RSRP1: variants seen among roughly 807,000 people sequenced by gnomAD.
RSRP1 encodes the protein arginine and serine rich protein 1, also known as arginine/serine-rich protein 1.
In RSRP1, 37 loss-of-function variants were observed where a neutral mutation model predicts 33.0. The ratio of observed to expected loss-of-function variants is 1.12; its 90% CI spans 0.86 to 1.48. The LOEUF (loss-of-function observed/expected upper bound fraction) is 1.48. Among genes scored for constraint, RSRP1 ranks in the 40% most tolerant of loss-of-function variants. RSRP1 has a pLI of 0.00. For missense variants in RSRP1, 402 were observed against 385.3 expected (o/e 1.04, Z -0.36); for synonymous variants, 167 against 158.7 (o/e 1.05, Z -0.40).
chr1:25,245,676 T>C (rs1451494487), intron 2 of RSRP1, among the ~76,000 whole-genome samples: 1 of 152,222 alleles, frequency 6.6e-6, no homozygotes, highest in Non-Finnish European at 1.5e-5. Context: ...AAGAATAAAA[T>C]TCTTAAATTA....
chr1:25,245,322 T>C (rs2124534587), intron 2 of RSRP1, 21 bp from the exon 3 acceptor site: 2 of 1,593,938 alleles, frequency 1.3e-6, no homozygotes, highest in East Asian at 2.2e-5. Context: ...AAGAGAGAGA[T>C]TTTAAAATAC....
chr1:25,277,893 C>T lies in RSRP1; in HGVS notation c.-66-30864G>A, dbSNP rs757968840. On this transcript the variant is annotated intron_variant, in intron 1 of 1. Transcript: ENST00000561867. The stretch of plus-strand genomic sequence containing the variant: ...TTCTCCATGTTGGTGAGGCTGGTCT[C>T]GAACTCCCAACCTCAGGTGATGCAC... Among the ~76,000 whole-genome samples, 85 of 132,596 alleles carry T rather than the reference C, an allele frequency of 6.4e-4. 27 individuals are homozygous for T. The highest frequency in any genetic ancestry group is 1.2e-3 in the Non-Finnish European group (65 of 55,796). 87.0% of individuals were successfully genotyped at this position (132,596 alleles called of 152,430 possible).
Position 25,284,207 on chromosome 1 carries a change from C to G in RSRP1, c.-66-37178G>C, listed in dbSNP as rs183822813. ...TGGCCCTCATATGCAATAACAGCAG[C>G]AATGACCTTTACTGAGTGTCCATGT... On this transcript the variant is annotated intron_variant, in intron 1 of 1. Transcript: ENST00000561867. Among the ~76,000 whole-genome samples the G allele has an allele frequency of 7.2e-4, 98 of 136,312 alleles. 13 individuals are homozygous for G. The highest frequency in any genetic ancestry group is 2.1e-3 in the African/African-American group (83 of 39,894). The allele number at this position is 136,312 out of a possible 152,430, so 89.4% of individuals were successfully genotyped here.
At position 25,306,363 on chromosome 1, in the gene RSRP1, A is replaced by G. The variant is rs1397029422; in HGVS notation, c.-67+31615T>C. On this transcript the variant is annotated intron_variant, in intron 1 of 1. Coordinates refer to the RSRP1 transcript ENST00000561867. The stretch of plus-strand genomic sequence containing the variant: ...ACCAGCAGCATTGGCATCACCTGGG[A>G]CCTTGTTAGAAATGCTGTTAGACCC... 3.8e-5 allele frequency among the ~76,000 whole-genome samples: 5 copies of G among 131,544 alleles called. 2 individuals are homozygous for G. Among genetic ancestry groups the G allele is most frequent in the Non-Finnish European group, 5.4e-5 (3 of 55,654 alleles). 86.3% of individuals were successfully genotyped at this position (131,544 alleles called of 152,430 possible).
In RSRP1 at chr1:25,305,891, C is replaced by G. The variant is rs1281963724; in HGVS notation, c.-67+32087G>C. Among the ~76,000 whole-genome samples the G allele has an allele frequency of 2.3e-5, 3 of 131,364 alleles. 1 individual carries two copies. The highest frequency in any genetic ancestry group is 7.9e-5 in the African/African-American group (3 of 38,112). 86.2% of individuals were successfully genotyped at this position (131,364 alleles called of 152,430 possible). On this transcript the variant is annotated intron_variant, in intron 1 of 1. Coordinates refer to the RSRP1 transcript ENST00000561867. ...TGCTGGGATTACAGGCATGAGCCACCGTGCCCAACCTGGATTTTTATTCTG... is the reference window on the plus strand; with the variant it reads ...TGCTGGGATTACAGGCATGAGCCACGGTGCCCAACCTGGATTTTTATTCTG...
In RSRP1 at chr1:25,314,398, C is replaced by T. The variant is rs188527832; in HGVS notation, c.-67+23580G>A. On this transcript the variant is annotated intron_variant, in intron 1 of 1. Transcript: ENST00000561867. ...GAAATGTCTATTCAAGTTAGTTTGCCCATTTTCTATTGTGGTGTTCTGTCT... is the reference window on the plus strand; with the variant it reads ...GAAATGTCTATTCAAGTTAGTTTGCTCATTTTCTATTGTGGTGTTCTGTCT... Among the ~76,000 whole-genome samples the T allele has an allele frequency of 2.3e-5, 3 of 132,484 alleles. 1 individual carries two copies. The allele number at this position is 132,484 out of a possible 152,430, so 86.9% of individuals were successfully genotyped here.
intron 3 of RSRP1, chr1:25,244,850 A>G (rs1639212067): frequency 3.8e-6 from 4 of 1,041,620 alleles, no homozygotes; most frequent in Non-Finnish European, 3.7e-6. Flanking sequence ...TGCCTGGCTA[A>G]TTTTTGTATT....
intron 1 of RSRP1, among the ~76,000 whole-genome samples, chr1:25,256,459 A>G (rs1242155459): frequency 6.6e-6 from 1 of 151,220 alleles, no homozygotes; most frequent in Non-Finnish European, 1.5e-5. Flanking sequence ...TCCCATTGAG[A>G]TTTTGTTGCT....
rs746346934 is a variant in RSRP1, at chr1:25,242,725, G to C, written c.757-20C>G. On this transcript the variant is annotated intron_variant, in intron 4 of 4. Coordinates refer to ENST00000243189, the MANE Select transcript of RSRP1 (RefSeq NM_020317.5). Reference sequence around the variant, plus strand: ...AGAATTCTGTAAAAGAACAAATTCAGTCAGCTTCCCAAACATACATTGTAC... The same window carrying C: ...AGAATTCTGTAAAAGAACAAATTCACTCAGCTTCCCAAACATACATTGTAC... The C allele has an allele frequency of 6.7e-7, 1 of 1,490,248 alleles. No individual in the cohort carries two copies. Among genetic ancestry groups the C allele is most frequent in the Non-Finnish European group, 9.2e-7 (1 of 1,083,576 alleles). 92.3% of individuals were successfully genotyped at this position (1,490,248 alleles called of 1,614,324 possible).
chr1:25,287,867 C>T (rs532040548), intron 1 of RSRP1, among the ~76,000 whole-genome samples: 1 of 115,806 alleles, frequency 8.6e-6, no homozygotes, highest in South Asian at 2.9e-4. Flanking sequence ...TTTTTACAGG[C>T]GCCTGCTACC....
Position 25,332,956 on chromosome 1 carries a change from A to G in RSRP1, c.-67+5022T>C, listed in dbSNP as rs1645036774. Among the ~76,000 whole-genome samples, 2 of 131,596 alleles carry G rather than the reference A, an allele frequency of 1.5e-5. 1 individual carries two copies. The highest frequency in any genetic ancestry group is 3.6e-5 in the Non-Finnish European group (2 of 55,624). The allele number at this position is 131,596 out of a possible 152,430, so 86.3% of individuals were successfully genotyped here. A position where few individuals can be genotyped will look rare whatever the true frequency, so the allele number is the denominator to read the frequency against. On this transcript the variant is annotated intron_variant, in intron 1 of 1. Coordinates refer to the RSRP1 transcript ENST00000561867. ...GTAGCATGGCTCAGTCCAAGTCCCAAAGTCTCAGAATCAGGAAAGCTGATG... is the reference window on the plus strand; with the variant it reads ...GTAGCATGGCTCAGTCCAAGTCCCAGAGTCTCAGAATCAGGAAAGCTGATG...
chr1:25,251,942 G>A (rs1282066051), upstream of RSRP1, among the ~76,000 whole-genome samples: 1 of 150,182 alleles, frequency 6.7e-6, no homozygotes, highest in East Asian at 1.9e-4. Flanking sequence ...CCAGACTGAA[G>A]TGCAGTGGTG....
chr1:25,331,455 T>C lies in RSRP1; in HGVS notation c.-67+6523A>G, dbSNP rs528014869. On this transcript the variant is annotated intron_variant, in intron 1 of 1. Transcript: ENST00000561867. ...TAGCAGTAGTCATTAATGGACAATGTATACAAAGATAATTTCGTGATTACT... is the reference window on the plus strand; with the variant it reads ...TAGCAGTAGTCATTAATGGACAATGCATACAAAGATAATTTCGTGATTACT... Among the ~76,000 whole-genome samples the C allele has an allele frequency of 2.3e-5, 3 of 132,616 alleles. No homozygotes were observed. In the South Asian group the frequency reaches 6.9e-4, roughly 30 times the overall value. The allele number at this position is 132,616 out of a possible 152,430, so 87.0% of individuals were successfully genotyped here.
intron 1 of RSRP1, among the ~76,000 whole-genome samples, chr1:25,316,058 A>G (rs28453868): frequency 0.93 from 120,291 of 129,662 alleles, 57,630 homozygotes; most frequent in East Asian, 1. Flanking sequence ...CTGGCTTGTT[A>G]TGTACAACTA....
intron 1 of RSRP1, among the ~76,000 whole-genome samples, chr1:25,309,250 A>G (rs1644015348): frequency 1.5e-5 from 2 of 131,952 alleles, no homozygotes; most frequent in African/African-American, 5.3e-5. Flanking sequence ...AGTAATGGGA[A>G]GGCACACTGA....
rs567133660 is a variant in RSRP1, at chr1:25,284,966, G to A, written c.-66-37937C>T. ...GTATTTTACTGGACAGCCCTACTCC[G>A]TGTATCACAAGGAATCCAGGCCTAC... is the stretch of plus-strand genomic sequence containing the variant. On this transcript the variant is annotated intron_variant, in intron 1 of 1. Coordinates refer to the RSRP1 transcript ENST00000561867. Among the ~76,000 whole-genome samples the A allele has an allele frequency of 2.2e-5, 3 of 134,970 alleles. 1 individual carries two copies. Among genetic ancestry groups the A allele is most frequent in the African/African-American group, 7.7e-5 (3 of 39,062 alleles). 88.5% of individuals were successfully genotyped at this position (134,970 alleles called of 152,430 possible).
Position 25,320,271 on chromosome 1 carries a change from C to T in RSRP1, c.-67+17707G>A, listed in dbSNP as rs1388416089. On this transcript the variant is annotated intron_variant, in intron 1 of 1. Transcript: ENST00000561867. ...GAGAGATTAGAACAACAACCCTCCA[C>T]AGCTACACACCTTTTCCACGTTATA... 1.5e-5 allele frequency among the ~76,000 whole-genome samples: 2 copies of T among 132,130 alleles called. 1 individual carries two copies. Among genetic ancestry groups the T allele is most frequent in the South Asian group, 4.7e-4 (2 of 4,280 alleles). 86.7% of individuals were successfully genotyped at this position (132,130 alleles called of 152,430 possible).
At chr1:25,261,346 C>A (rs1042953144) in intron 1 of RSRP1, among the ~76,000 whole-genome samples, 1 of 152,076 alleles carries the variant, frequency 6.6e-6, no homozygotes, top group Non-Finnish European at 1.5e-5. Context: ...CAGTGTTCCA[C>A]TGCCTTTATC....
At position 25,275,946 on chromosome 1, in the gene RSRP1, T is replaced by C. The variant is rs1448744949; in HGVS notation, c.-66-28917A>G. Among the ~76,000 whole-genome samples the C allele has an allele frequency of 5.3e-5, 7 of 132,876 alleles. No homozygotes were observed. The East Asian group carries it at 1.4e-3, about 26-fold the overall frequency. The allele number at this position is 132,876 out of a possible 152,430, so 87.2% of individuals were successfully genotyped here. On this transcript the variant is annotated intron_variant, in intron 1 of 1. Coordinates refer to the RSRP1 transcript ENST00000561867. Reference sequence around the variant, plus strand: ...ATTTCTATGCTTCCAATCTGTGTTTTTCTGCACGAGTTGGTTAAGCCATTA... The same window carrying C: ...ATTTCTATGCTTCCAATCTGTGTTTCTCTGCACGAGTTGGTTAAGCCATTA...
Sources: gnomAD v4.1 joint callset for allele counts (sites outside exome capture counted in the v4.1 genomes callset) on GRCh38, gnomAD v4.1.1 for gene constraint, MANE v1.5 for transcripts, NCBI Gene and HGNC (gene_info 2026-07-23, HGNC 2026-07-21) for gene names.